The following KLF4 variants were observed in gnomAD, a reference collection of about 807,000 sequenced individuals.
The protein encoded by KLF4 is Krueppel-like factor 4.
KLF4 carries 14 observed loss-of-function variants against 38.0 expected under a neutral mutation model. The ratio of observed to expected loss-of-function variants is 0.37; its 90% CI spans 0.24 to 0.58. The LOEUF (loss-of-function observed/expected upper bound fraction) is 0.58, where lower values mean the gene tolerates loss of function less well. Ranked by LOEUF, KLF4 falls within the 20% of genes least tolerant of loss-of-function variation. KLF4 has a pLI of 0.76. For synonymous variants in KLF4, 398 were observed against 302.5 expected (o/e 1.32, Z -3.28); for missense variants, 737 against 670.1 (o/e 1.10, Z -1.10).
chr9:107,486,896 T>C, intron 4 of KLF4, 132 bp downstream of exon 4: 1 of 1,553,522 alleles, frequency 6.4e-7, no homozygotes, highest in Non-Finnish European at 8.7e-7. Context: ...AAGGAGGCAC[T>C]GAGGAGTGTC....
chr9:107,489,120 C>T, intron 1 of KLF4, 48 bp downstream of exon 1: 1 of 1,546,172 alleles, frequency 6.5e-7, no homozygotes, highest in Non-Finnish European at 8.7e-7. Context: ...CGGCGCGTCC[C>T]ACCGGTCCTC....
chr9:107,487,075 G>C lies in KLF4; in HGVS notation c.1217C>G (p.Thr406Ser), dbSNP rs201645553. 1.1e-5 allele frequency: 17 copies of C among 1,614,062 alleles called. No homozygotes were observed. The highest frequency in any genetic ancestry group is 1.4e-5 in the Non-Finnish European group (16 of 1,180,040). The change falls in exon 4 of 5, where the codon ACC (threonine) becomes AGC (serine). Residue 406 changes from threonine to serine, a missense_variant. Physicochemically the swap from Thr to Ser is moderately conservative, Grantham distance 58 (BLOSUM62 1). Coordinates refer to ENST00000374672, the MANE Select transcript of KLF4 (RefSeq NM_004235.6). This position sits in a 1 kb window ranked among gnomAD's most constrained non-coding sequence, Gnocchi z 6.1. ...CTTGAGATGGGAACTCTTTGTGTAG[G>C]TTTTGCCGCAGCCCGCGTAATCACA... ...HTCDYAGCGK[T>S]YTKSSHLKAH...
chr9:107,489,570 G>C lies in KLF4; in HGVS notation c.-398C>G, dbSNP rs1197482980. Reference sequence around the variant, plus strand: ...CGTGGCGCGGAGCTGCGAACTGGTCGGCGGCGCAAGGCGCGGACTCCGGTG... The same window carrying C: ...CGTGGCGCGGAGCTGCGAACTGGTCCGCGGCGCAAGGCGCGGACTCCGGTG... On this transcript the variant is annotated 5_prime_UTR_variant, in exon 1 of 5. Transcript: ENST00000374672. 4.0e-5 allele frequency: 9 copies of C among 222,298 alleles called. No homozygotes were observed. Among genetic ancestry groups the C allele is most frequent in the East Asian group, 2.0e-4 (3 of 14,776 alleles). 13.8% of individuals were successfully genotyped at this position (222,298 alleles called of 1,614,324 possible).
At position 107,485,693 on chromosome 9, in the gene KLF4, A is replaced by AAATAAGTAAAAAACACT; in HGVS notation, c.*57_*58insAGTGTTTTTTACTTATT. ...TTCCCTCATCGGGAAGACAGTGTGA[A>AAATAAGTAAAAAACACT]AAGTAAAAAATACTGAATTCTCTTC... On this transcript the variant is annotated 3_prime_UTR_variant, in exon 5 of 5. Coordinates refer to ENST00000374672, the MANE Select transcript of KLF4 (RefSeq NM_004235.6). This position sits in a 1 kb window ranked among gnomAD's most constrained non-coding sequence, Gnocchi z 4.9. 6.8e-7 allele frequency: 1 copy of AAATAAGTAAAAAACACT among 1,470,204 alleles called. No individual in the cohort carries two copies. The highest frequency in any genetic ancestry group is 2.5e-5 in the East Asian group (1 of 39,780). 91.1% of individuals were successfully genotyped at this position (1,470,204 alleles called of 1,614,324 possible).
chr9:107,486,994 T>A (rs1829074775), intron 4 of KLF4, 34 bp downstream of exon 4: 1 of 1,614,090 alleles, frequency 6.2e-7, no homozygotes, highest in South Asian at 1.1e-5. Context: ...GGCTGGAAGC[T>A]AACCCCCCTC....
rs1305287272 is a variant in KLF4 at position 107,485,425 on chromosome 9, C to G, written c.*326G>C. 1 of 291,900 alleles carries G rather than the reference C, an allele frequency of 3.4e-6. No homozygotes were observed. 18.1% of individuals were successfully genotyped at this position (291,900 alleles called of 1,614,324 possible). A position where few individuals can be genotyped will look rare whatever the true frequency, so the allele number is the denominator to read the frequency against. Reference sequence around the variant, plus strand: ...ATTCAAGGGAATTCTGGTCTTCCCTCCCCCAACTCACGGATATAATTTATA... The same window carrying G: ...ATTCAAGGGAATTCTGGTCTTCCCTGCCCCAACTCACGGATATAATTTATA... On this transcript the variant is annotated 3_prime_UTR_variant, in exon 5 of 5. Coordinates refer to ENST00000374672, the MANE Select transcript of KLF4 (RefSeq NM_004235.6). This position sits in a 1 kb window ranked among gnomAD's most constrained non-coding sequence, Gnocchi z 4.9.
rs1829034564 is a variant in KLF4, at chr9:107,484,914, A to T, written c.*837T>A. 1 of 191,504 alleles carries T rather than the reference A, an allele frequency of 5.2e-6. No individual in the cohort carries two copies. Among genetic ancestry groups the T allele is most frequent in the African/African-American group, 2.3e-5 (1 of 43,028 alleles). The allele number at this position is 191,504 out of a possible 1,614,324, so 11.9% of individuals were successfully genotyped here. A position where few individuals can be genotyped will look rare whatever the true frequency, so the allele number is the denominator to read the frequency against. The stretch of plus-strand genomic sequence containing the variant: ...TCTCACCTTGAGTATGCAAAATACA[A>T]ACTCCACAAAATGTTCATTTTACTT... On this transcript the variant is annotated 3_prime_UTR_variant, in exon 5 of 5. Transcript: ENST00000374672.
chr9:107,489,255 A>C lies in KLF4; in HGVS notation c.-83T>G. 7.0e-7 allele frequency: 1 copy of C among 1,421,326 alleles called. No individual in the cohort carries two copies. The highest frequency in any genetic ancestry group is 9.2e-7 in the Non-Finnish European group (1 of 1,084,222). 88.0% of individuals were successfully genotyped at this position (1,421,326 alleles called of 1,614,324 possible). On this transcript the variant is annotated 5_prime_UTR_variant, in exon 1 of 5. Coordinates refer to ENST00000374672, the MANE Select transcript of KLF4 (RefSeq NM_004235.6). Reference sequence around the variant, plus strand: ...CAAAGTCAACGAAGAGAAGAAACGAAGCCAAAACCCAAAACCCCAAATTGG... The same window carrying C: ...CAAAGTCAACGAAGAGAAGAAACGACGCCAAAACCCAAAACCCCAAATTGG...
Position 107,488,910 on chromosome 9 carries a change from C to T in KLF4, c.126+20G>A. ...ACGAAAACCCACCGGGCGTTCCCGG[C>T]GGCCCGGAGCGATACTCACGTTATT... On this transcript the variant is annotated intron_variant, in intron 2 of 4. Transcript: ENST00000374672. The surrounding 1 kb of genome is among the most constrained non-coding windows in gnomAD (Gnocchi z 5.7). 6.5e-7 allele frequency: 1 copy of T among 1,546,270 alleles called. No homozygotes were observed. Among genetic ancestry groups the T allele is most frequent in the Non-Finnish European group, 8.7e-7 (1 of 1,143,562 alleles).
Position 107,485,859 on chromosome 9 carries a change from G to A in KLF4, c.1332C>T (p.Thr444=), listed in dbSNP as rs768094871. ...GCCCCGTGTGTTTACGGTAGTGCCTGGTCAGTTCATCTGAGCGGGCGAATT... is the reference window on the plus strand; with the variant it reads ...GCCCCGTGTGTTTACGGTAGTGCCTAGTCAGTTCATCTGAGCGGGCGAATT... ...GWKFARSDEL[T]RHYRKHTGHR... Residue 444 remains threonine, a synonymous_variant, in exon 5 of 5, where the codon ACC becomes ACT. Coordinates refer to ENST00000374672, the MANE Select transcript of KLF4 (RefSeq NM_004235.6). The surrounding 1 kb of genome is among the most constrained non-coding windows in gnomAD (Gnocchi z 4.9). 45 of 1,612,640 alleles carry A rather than the reference G, an allele frequency of 2.8e-5. 1 individual carries two copies. In the South Asian group the frequency reaches 4.5e-4, roughly 16 times the overall value.
rs1014226803 is a variant in KLF4, at chr9:107,486,003, G to T, written c.1265-77C>A. 10 of 1,334,488 alleles carry T rather than the reference G, an allele frequency of 7.5e-6. No individual in the cohort carries two copies. The African/African-American group carries it at 1.3e-4, about 18-fold the overall frequency. The allele number at this position is 1,334,488 out of a possible 1,614,324, so 82.7% of individuals were successfully genotyped here. ...CGCCCCTTTTAAAAACTGAAGGCCA[G>T]ATAGTAAACCAACTCTGACCCTATC... On this transcript the variant is annotated intron_variant, in intron 4 of 4. Transcript: ENST00000374672.
At position 107,488,981 on chromosome 9, in the gene KLF4, A is replaced by C; in HGVS notation, c.75T>G (p.Ser25=). The C allele has an allele frequency of 6.4e-7, 1 of 1,569,944 alleles. No homozygotes were observed. The highest frequency in any genetic ancestry group is 8.6e-7 in the Non-Finnish European group (1 of 1,157,064). ...GTGTCTTCTCCCTTCCCGCCGGGCC[A>C]GACGCGAACGTGGAGAAAGATGGGA... ...ALLPSFSTFA[S]GPAGREKTLR... Residue 25 remains serine, a synonymous_variant, in exon 2 of 5, where the codon TCT becomes TCG. Transcript: ENST00000374672. This position sits in a 1 kb window ranked among gnomAD's most constrained non-coding sequence, Gnocchi z 5.7.
rs897066415 is a variant in KLF4 at position 107,488,847 on chromosome 9, T to C, written c.126+83A>G. On this transcript the variant is annotated intron_variant, in intron 2 of 4. Transcript: ENST00000374672. This position sits in a 1 kb window ranked among gnomAD's most constrained non-coding sequence, Gnocchi z 5.7. Reference sequence around the variant, plus strand: ...GCTCCTTACCCTCGTTCAGTGGCTCTTGGTGACCCCAAGGCTCCGCCCGCC... The same window carrying C: ...GCTCCTTACCCTCGTTCAGTGGCTCCTGGTGACCCCAAGGCTCCGCCCGCC... 6.7e-7 allele frequency: 1 copy of C among 1,492,738 alleles called. No individual in the cohort carries two copies. The highest frequency in any genetic ancestry group is 2.2e-5 in the Admixed American group (1 of 46,394). 92.5% of individuals were successfully genotyped at this position (1,492,738 alleles called of 1,614,324 possible).
chr9:107,487,907 C>T lies in KLF4; in HGVS notation c.487G>A (p.Ala163Thr). The change falls in exon 3 of 5, where the codon GCG (alanine) becomes ACG (threonine). Residue 163 changes from alanine (A) to threonine (T), a missense_variant. Around this residue, in one of 2 missense-constraint regions of KLF4, gnomAD observed 695 missense variants for 554.5 expected, o/e 1.25. Transcript: ENST00000374672. The surrounding 1 kb of genome is among the most constrained non-coding windows in gnomAD (Gnocchi z 6.1). Reference sequence around the variant, plus strand: ...AGGCCTCCGCCCGTGCCGCCCGGCGCCACGCCCGGGTCGTTCCCGGCCCGG... The same window carrying T: ...AGGCCTCCGCCCGTGCCGCCCGGCGTCACGCCCGGGTCGTTCCCGGCCCGG... The part of the protein sequence containing the change: ...PIRAGNDPGV[A>T]PGGTGGGLLY... The T allele has an allele frequency of 6.4e-7, 1 of 1,566,270 alleles. No individual in the cohort carries two copies. Among genetic ancestry groups the T allele is most frequent in the Non-Finnish European group, 8.6e-7 (1 of 1,156,254 alleles).
rs558130899 is a variant in KLF4, at chr9:107,486,046, T to C, written c.1265-120A>G. ...ACCCTATCCTAAAGAAATCCAGGAA[T>C]GTCTTTATACCACTGAAGGGGTGTA... On this transcript the variant is annotated intron_variant, in intron 4 of 4. Transcript: ENST00000374672. 3.9e-5 allele frequency: 32 copies of C among 814,140 alleles called. No individual in the cohort carries two copies. The South Asian group carries it at 4.4e-4, about 11-fold the overall frequency. 50.4% of individuals were successfully genotyped at this position (814,140 alleles called of 1,614,324 possible). A position where few individuals can be genotyped will look rare whatever the true frequency, so the allele number is the denominator to read the frequency against.
At position 107,489,632 on chromosome 9, in the gene KLF4, A is replaced by T. The variant is rs1322970877; in HGVS notation, c.-460T>A. On this transcript the variant is annotated 5_prime_UTR_variant, in exon 1 of 5. Transcript: ENST00000374672. ...GCGCGCGCGGCCATGGGCGCGGGCCACGGGCGGGTGGGAGGGTGGGGGGCC... is the reference window on the plus strand; with the variant it reads ...GCGCGCGCGGCCATGGGCGCGGGCCTCGGGCGGGTGGGAGGGTGGGGGGCC... 3.4e-5 allele frequency: 2 copies of T among 59,510 alleles called. No homozygotes were observed. Among genetic ancestry groups the T allele is most frequent in the Admixed American group, 4.2e-4 (1 of 2,408 alleles). 3.7% of individuals were successfully genotyped at this position (59,510 alleles called of 1,614,324 possible).
rs1175444524 is a variant in KLF4 at position 107,485,730 on chromosome 9, G to A, written c.*21C>T. ...ACTGAATTCTCTTCTGGCAGTGTGG[G>A]TCATATCCACTGTCTGGGATTTAAA... On this transcript the variant is annotated 3_prime_UTR_variant, in exon 5 of 5. Coordinates refer to ENST00000374672, the MANE Select transcript of KLF4 (RefSeq NM_004235.6). This position sits in a 1 kb window ranked among gnomAD's most constrained non-coding sequence, Gnocchi z 4.9. 3.9e-6 allele frequency: 6 copies of A among 1,558,292 alleles called. No individual in the cohort carries two copies. The highest frequency in any genetic ancestry group is 4.3e-6 in the Non-Finnish European group (5 of 1,155,770).
Position 107,487,454 on chromosome 9 carries a change from T to C in KLF4, c.940A>G (p.Arg314Gly), listed in dbSNP as rs750935879. 3 of 1,533,484 alleles carry C rather than the reference T, an allele frequency of 2.0e-6. No homozygotes were observed. Among genetic ancestry groups the C allele is most frequent in the South Asian group, 2.6e-5 (2 of 77,636 alleles). The allele number at this position is 1,533,484 out of a possible 1,614,324, so 95.0% of individuals were successfully genotyped here. A position where few individuals can be genotyped will look rare whatever the true frequency, so the allele number is the denominator to read the frequency against. The part of the protein sequence containing the change: ...DFPLGRQLPS[R>G]TTPTLGLEEV... ...TCAAGACCCAGGGTCGGGGTAGTCC[T>C]GCTGGGGAGCTGCCGCCCCAGGGGG... The change falls in exon 3 of 5, where the codon AGG becomes GGG. Residue 314 changes from arginine to glycine, a missense_variant. Transcript: ENST00000374672. The surrounding 1 kb of genome is among the most constrained non-coding windows in gnomAD (Gnocchi z 6.1).
rs746227010 is a variant in KLF4, at chr9:107,487,320, C to T, written c.1074G>A (p.Pro358=). Residue 358 remains proline (P), a synonymous_variant, in exon 3 of 5, where the codon CCG becomes CCA. Coordinates refer to ENST00000374672, the MANE Select transcript of KLF4 (RefSeq NM_004235.6). The surrounding 1 kb of genome is among the most constrained non-coding windows in gnomAD (Gnocchi z 6.1). Reference sequence around the variant, plus strand: ...CTTGGTAATGGAGCGGCGGGACTTGCGGCTGCATCTGATCGGGCAGGAAGG... The same window carrying T: ...CTTGGTAATGGAGCGGCGGGACTTGTGGCTGCATCTGATCGGGCAGGAAGG... The part of the protein sequence containing the change: ...YPSFLPDQMQ[P]QVPPLHYQEL... 6.4e-7 allele frequency: 1 copy of T among 1,568,334 alleles called. No individual in the cohort carries two copies.
Sources: gnomAD v4.1 joint callset for allele counts on GRCh38, gnomAD v4.1.1 for gene constraint, gnomAD v4.1.1 regional missense constraint, Gnocchi (gnomAD v3.1) non-coding constraint, MANE v1.5 for transcripts, NCBI Gene and HGNC (gene_info 2026-07-23, HGNC 2026-07-21) for gene names.